TRPM3: variants seen among roughly 807,000 people sequenced by gnomAD.
TRPM3 encodes long transient receptor potential channel 3.
Under a neutral mutation model 181.2 loss-of-function variants are expected in TRPM3, and 77 were observed. The ratio of observed to expected loss-of-function variants is 0.42; its 90% CI spans 0.35 to 0.51. The LOEUF (loss-of-function observed/expected upper bound fraction) is 0.51, where lower values mean the gene tolerates loss of function less well. Among genes scored for constraint, TRPM3 ranks in the 20% least tolerant of loss-of-function variants. TRPM3 has a pLI of 0.01. For synonymous variants in TRPM3, 745 were observed against 796.4 expected (o/e 0.94, Z 1.09); for missense variants, 1,759 against 2,196.7 (o/e 0.80, Z 3.98).
At chr9:71,008,864 A>C (rs2097707018) in intron 1 of TRPM3, among the ~76,000 whole-genome samples, 1 of 152,252 alleles carries the variant, frequency 6.6e-6, no homozygotes, top group Non-Finnish European at 1.5e-5. Flanking sequence ...CAACAACAAC[A>C]AAAACCTTTA....
intron 1 of TRPM3, among the ~76,000 whole-genome samples, chr9:71,384,916 C>A (rs865871068): frequency 1.3e-5 from 2 of 152,200 alleles, no homozygotes; most frequent in Middle Eastern, 3.4e-3. Context: ...TAATAAAAAT[C>A]TTTTAATTAA....
upstream of TRPM3, among the ~76,000 whole-genome samples, chr9:71,125,884 A>C (rs2074002163): frequency 6.6e-6 from 1 of 152,210 alleles, no homozygotes; most frequent in Non-Finnish European, 1.5e-5. Context: ...ATCTAATTAA[A>C]CTAAAGAGCT....
At chr9:71,215,615 T>G (rs1168144910) in intron 1 of TRPM3, among the ~76,000 whole-genome samples, 2 of 152,326 alleles carry the variant, frequency 1.3e-5, no homozygotes, top group Middle Eastern at 3.4e-3. Flanking sequence ...ACACACTAAA[T>G]TTTTTAGACC....
chr9:70,594,004 G>A (rs2058572093), intron 21 of TRPM3, among the ~76,000 whole-genome samples: 1 of 147,604 alleles, frequency 6.8e-6, no homozygotes, highest in Admixed American at 6.8e-5. Context: ...ATGTACTTAG[G>A]TGTCAGAATA....
At chr9:70,605,454 C>T (rs2060881645) in intron 19 of TRPM3, among the ~76,000 whole-genome samples, 2 of 151,754 alleles carry the variant, frequency 1.3e-5, no homozygotes, top group Admixed American at 6.6e-5. Flanking sequence ...CCCCCACCCC[C>T]ACCCCCAGGG....
At chr9:70,754,345 C>T (rs772697314) in intron 8 of TRPM3, among the ~76,000 whole-genome samples, 1 of 152,120 alleles carries the variant, frequency 6.6e-6, no homozygotes, top group Non-Finnish European at 1.5e-5. Context: ...GAATATGTTG[C>T]AGATAGTCTT....
At chr9:70,640,471 C>G (rs117167074) in intron 10 of TRPM3, 89 bp downstream of exon 10, 7 of 978,226 alleles carry the variant, frequency 7.2e-6, no homozygotes, top group Non-Finnish European at 1.1e-5. Context: ...AAAAAGCAAT[C>G]GTTTTCTGAG....
At chr9:71,135,719 T>C (rs187524367) in intron 1 of TRPM3, among the ~76,000 whole-genome samples, 68 of 152,304 alleles carry the variant, frequency 4.5e-4, no homozygotes, top group African/African-American at 1.5e-3. Flanking sequence ...TTTTGCATGC[T>C]ACTCAAGTTT....
chr9:71,004,513 C>T (rs536931519), intron 1 of TRPM3, among the ~76,000 whole-genome samples: 2 of 152,338 alleles, frequency 1.3e-5, no homozygotes, highest in South Asian at 4.1e-4. Context: ...AAAGCTGGAA[C>T]AGGCAAATGG....
At chr9:71,367,526 G>A (rs369298505) in intron 1 of TRPM3, among the ~76,000 whole-genome samples, 31 of 152,200 alleles carry the variant, frequency 2.0e-4, no homozygotes, top group Middle Eastern at 6.8e-3. Flanking sequence ...ATAAGGTCAC[G>A]TAGCAGAAAA....
chr9:70,978,737 C>T (rs1236960037), intron 1 of TRPM3, among the ~76,000 whole-genome samples: 1 of 152,186 alleles, frequency 6.6e-6, no homozygotes, highest in Non-Finnish European at 1.5e-5. Context: ...AATGGAAACA[C>T]ATTTGTTTTG....
At chr9:71,226,070 A>G (rs1392709891) in intron 1 of TRPM3, among the ~76,000 whole-genome samples, 3 of 140,380 alleles carry the variant, frequency 2.1e-5, no homozygotes, top group Admixed American at 7.2e-5. Flanking sequence ...TAGAGTTTTT[A>G]GTTTTTTTTT....
chr9:71,044,703 A>G (rs670619), intron 1 of TRPM3, among the ~76,000 whole-genome samples: 138,339 of 152,200 alleles, frequency 0.91, 62,976 homozygotes, highest in East Asian at 1. Flanking sequence ...ACGGAGTCTC[A>G]CTCTGTCACC....
intron 25 of TRPM3, among the ~76,000 whole-genome samples, chr9:70,545,233 T>C (rs2044520422): frequency 6.6e-6 from 1 of 152,248 alleles, no homozygotes; most frequent in Admixed American, 6.5e-5. Flanking sequence ...CTCCTTGTCC[T>C]ACTCTATATG....
intron 1 of TRPM3, among the ~76,000 whole-genome samples, chr9:70,956,383 GA>G (rs35066137): frequency 0.77 from 113,182 of 146,090 alleles, 43,688 homozygotes; most frequent in African/African-American, 0.85. Flanking sequence ...ATTTTAAATA[GA>G]AAAAAAACAG....
intron 1 of TRPM3, among the ~76,000 whole-genome samples, chr9:70,978,934 A>G (rs960245276): frequency 6.6e-6 from 1 of 152,202 alleles, no homozygotes; most frequent in Non-Finnish European, 1.5e-5. Context: ...AGCATGCTAA[A>G]AAGAGATTTT....
intron 1 of TRPM3, among the ~76,000 whole-genome samples, chr9:71,295,895 A>T (rs1447389933): frequency 6.6e-6 from 1 of 152,082 alleles, no homozygotes; most frequent in African/African-American, 2.4e-5. Flanking sequence ...TAGAAGTAGA[A>T]GTTGGTCAAC....
At chr9:71,084,791 A>G (rs1470298035) in intron 1 of TRPM3, among the ~76,000 whole-genome samples, 1 of 152,056 alleles carries the variant, frequency 6.6e-6, no homozygotes, top group Admixed American at 6.6e-5. Flanking sequence ...TACAATTCAT[A>G]TAGAACCAGA....
intron 1 of TRPM3, among the ~76,000 whole-genome samples, chr9:71,398,881 A>G (rs188650512): frequency 6.6e-6 from 1 of 152,208 alleles, no homozygotes; most frequent in Non-Finnish European, 1.5e-5. Context: ...ATAAATATTG[A>G]AAAATATTCA....
Sources: allele counts gnomAD v4.1 joint callset (sites outside exome capture counted in the v4.1 genomes callset), GRCh38; gene constraint gnomAD v4.1.1; transcripts MANE v1.5; gene names NCBI Gene and HGNC (gene_info 2026-07-23, HGNC 2026-07-21).